The following LRP2 variants were observed in gnomAD, a reference collection of about 807,000 sequenced individuals.
The protein encoded by LRP2 is low-density lipoprotein receptor-related protein 2.
A neutral mutation model predicts 531.0 loss-of-function variants in LRP2; 172 were observed. The ratio of observed to expected loss-of-function variants is 0.32; its 90% CI spans 0.29 to 0.37. The LOEUF is 0.37. LRP2 is among the 10% of genes least tolerant of loss of function. The pLI, the probability that LRP2 is intolerant of heterozygous loss-of-function variation, is 1.00. For missense variants in LRP2, 5,167 were observed against 5,868.3 expected, an observed-to-expected ratio of 0.88 and a Z score of 3.90; for synonymous variants, 1,992 against 2,027.6, an observed-to-expected ratio of 0.98 and a Z score of 0.47.
rs545645633 is a variant in LRP2, at chr2:169,201,852, G to A, written c.8228C>T (p.Pro2743Leu). ...ESVCALHTCS[P>L]TAFTCANGRC... is the part of the protein sequence containing the mutation. ...CCCATTGGCACAGGTGAAGGCTGTCGGTGAGCAGGTGTGAAGTGCTAAGAA... is the reference window on the plus strand; with the variant it reads ...CCCATTGGCACAGGTGAAGGCTGTCAGTGAGCAGGTGTGAAGTGCTAAGAA... Residue 2743 changes from proline (P) to leucine (L), a missense_variant, in exon 44 of 79, where the codon CCG (proline) becomes CTG (leucine). This residue lies in a region of LRP2 where 1,129 missense variants were observed against 1,362.7 expected (regional missense o/e 0.83). Transcript: ENST00000649046. 6.2e-4 allele frequency: 998 copies of A among 1,614,056 alleles called. 8 individuals carry two copies. In the South Asian group the frequency reaches 0.01, roughly 16 times the overall value.
intron 30 of LRP2, 66 bp from the exon 31 acceptor site, chr2:169,231,908 C>A: frequency 1.3e-6 from 2 of 1,585,922 alleles, no homozygotes; most frequent in South Asian, 2.3e-5. Context: ...AAAACAGAGT[C>A]ATGCTCTTAG....
chr2:169,342,111 C>T (rs747961255), intron 1 of LRP2, among the ~76,000 whole-genome samples: 5 of 150,984 alleles, frequency 3.3e-5, no homozygotes, highest in Non-Finnish European at 5.9e-5. Flanking sequence ...GATGAACCAA[C>T]TAGGAATCAG....
Position 169,237,205 on chromosome 2 carries a change from A to C in LRP2, c.4589T>G (p.Leu1530Arg). 1 of 1,613,954 alleles carries C rather than the reference A, an allele frequency of 6.2e-7. No individual in the cohort carries two copies. The highest frequency in any genetic ancestry group is 8.5e-7 in the Non-Finnish European group (1 of 1,179,826). ...AATTTTGGAGACTTCAATTGTTTCCAGAGCATAGTCTGTCCAGTAAAGATT... is the reference window on the plus strand; with the variant it reads ...AATTTTGGAGACTTCAATTGTTTCCCGAGCATAGTCTGTCCAGTAAAGATT... ...GRNLYWTDYA[L>R]ETIEVSKIDG... The change falls in exon 28 of 79, where the codon CTG becomes CGG. Residue 1530 changes from leucine (L) to arginine (R), a missense_variant. Leu to Arg is a moderately radical substitution (Grantham distance 102). Coordinates refer to ENST00000649046, the MANE Select transcript of LRP2 (RefSeq NM_004525.3).
At chr2:169,140,730 T>G (rs1685691731) in intron 71 of LRP2, among the ~76,000 whole-genome samples, 185 bp from the exon 72 acceptor site, 1 of 152,140 alleles carries the variant, frequency 6.6e-6, no homozygotes, top group African/African-American at 2.4e-5. Context: ...AACATACATT[T>G]AGTGGAAAGA....
rs997665377 is a variant in LRP2 at position 169,273,349 on chromosome 2, T to C, written c.1976-282A>G. 2.2e-4 allele frequency among the ~76,000 whole-genome samples: 34 copies of C among 152,272 alleles called. 1 individual carries two copies. The highest frequency in any genetic ancestry group is 8.2e-4 in the African/African-American group (34 of 41,572). ...CCCAATAATTATGTCAGAGTATGTC[T>C]GCTATCCTCCATGATTAGAAATAAT... On this transcript the variant is annotated intron_variant, in intron 14 of 78. Coordinates refer to ENST00000649046, the MANE Select transcript of LRP2 (RefSeq NM_004525.3).
chr2:169,306,293 G>A (rs1034593937), intron 4 of LRP2, among the ~76,000 whole-genome samples: 8 of 152,142 alleles, frequency 5.3e-5, no homozygotes, highest in Non-Finnish European at 1.0e-4. Flanking sequence ...CAGCACTTTG[G>A]GAGGCCGAGG....
intron 36 of LRP2, 34 bp from the exon 37 acceptor site, chr2:169,212,241 A>G (rs1336435533): frequency 1.9e-6 from 3 of 1,613,680 alleles, no homozygotes; most frequent in East Asian, 2.2e-5. Context: ...GTAACTTTTG[A>G]TCCTAGCTAC....
intron 18 of LRP2, among the ~76,000 whole-genome samples, chr2:169,256,511 G>A (rs1362868337): frequency 6.6e-6 from 1 of 152,024 alleles, no homozygotes; most frequent in Non-Finnish European, 1.5e-5. Context: ...AAATCAACAA[G>A]TTAAGAAAAA....
Position 169,297,394 on chromosome 2 carries a change from G to T in LRP2, c.428-2684C>A, listed in dbSNP as rs1207629351. Among the ~76,000 whole-genome samples the T allele has an allele frequency of 2.6e-5, 4 of 152,188 alleles. No individual in the cohort carries two copies. In the East Asian group the frequency reaches 7.7e-4, roughly 29 times the overall value. ...ATGTCCTGCAAGAATTTAAGTATAG[G>T]GTAAAGTGCAATATGAGAGGAGACC... is the stretch of plus-strand genomic sequence containing the variant. On this transcript the variant is annotated intron_variant, in intron 4 of 78. Coordinates refer to ENST00000649046, the MANE Select transcript of LRP2 (RefSeq NM_004525.3).
chr2:169,262,066 A>C (rs1690578143), intron 16 of LRP2, among the ~76,000 whole-genome samples: 3 of 152,074 alleles, frequency 2.0e-5, no homozygotes, highest in Admixed American at 6.6e-5. Flanking sequence ...AAAAACTCTC[A>C]ATAAACTAGG....
intron 1 of LRP2, among the ~76,000 whole-genome samples, chr2:169,346,277 A>G (rs902607915): frequency 6.6e-6 from 1 of 152,198 alleles, no homozygotes; most frequent in Non-Finnish European, 1.5e-5. Context: ...TCTAACTTCC[A>G]CTGTCTTTCA....
chr2:169,264,860 A>G (rs1234497846), intron 16 of LRP2, among the ~76,000 whole-genome samples: 16 of 151,934 alleles, frequency 1.1e-4, no homozygotes, highest in Non-Finnish European at 1.5e-5. Context: ...CCTCTAAGGG[A>G]CCACAGATTT....
At chr2:169,294,533 T>C (rs569388844) in intron 5 of LRP2, 67 bp downstream of exon 5, 7 of 1,124,400 alleles carry the variant, frequency 6.2e-6, no homozygotes, top group Non-Finnish European at 9.5e-6. Context: ...GATGTACATA[T>C]TGGCTCTCTC....
At chr2:169,248,985 C>G (rs1279517954) in intron 19 of LRP2, among the ~76,000 whole-genome samples, 4 of 17,190 alleles carry the variant, frequency 2.3e-4, no homozygotes, top group Admixed American at 6.0e-4. Flanking sequence ...GAGGGTCCTA[C>G]GCCCACGGAA....
chr2:169,310,265 A>G (rs1684555437), intron 3 of LRP2, among the ~76,000 whole-genome samples: 6 of 151,448 alleles, frequency 4.0e-5, no homozygotes, highest in Admixed American at 4.0e-4. Flanking sequence ...ACTATGTTGA[A>G]TAAGAGTGGT....
At chr2:169,232,805 C>A (rs1001434146) in intron 30 of LRP2, among the ~76,000 whole-genome samples, 1 of 152,086 alleles carries the variant, frequency 6.6e-6, no homozygotes, top group African/African-American at 2.4e-5. Context: ...GTGGCAACAG[C>A]GAGTGGGAGA....
chr2:169,287,681 G>A (rs1329792098), intron 9 of LRP2, among the ~76,000 whole-genome samples: 1 of 151,258 alleles, frequency 6.6e-6, no homozygotes, highest in African/African-American at 2.4e-5. Context: ...AAAAAGAAAG[G>A]CTTTTCTGGC....
At chr2:169,357,483 C>T (rs1031869512) in intron 1 of LRP2, among the ~76,000 whole-genome samples, 2 of 151,994 alleles carry the variant, frequency 1.3e-5, no homozygotes, top group Admixed American at 6.6e-5. Flanking sequence ...AGGTGTGCGT[C>T]ACCACGCCCA....
intron 34 of LRP2, 21 bp downstream of exon 34, chr2:169,220,418 CTGCATGGAAGACACG>C: frequency 7.0e-7 from 1 of 1,436,292 alleles, no homozygotes; most frequent in Non-Finnish European, 9.8e-7. Flanking sequence ...AAGAACAATG[CTGCATGGAAGACACG>C]TGCCATTTAT....
Sources: allele counts gnomAD v4.1 joint callset (sites outside exome capture counted in the v4.1 genomes callset), GRCh38; gene constraint gnomAD v4.1.1; regional missense constraint gnomAD v4.1.1; transcripts MANE v1.5; gene names NCBI Gene and HGNC (gene_info 2026-07-23, HGNC 2026-07-21).